TYW1: variants seen among roughly 807,000 people sequenced by gnomAD.
The protein encoded by TYW1 is S-adenosyl-L-methionine-dependent tRNA 4-demethylwyosine synthase TYW1.
In TYW1, 46 loss-of-function variants were observed where a neutral mutation model predicts 96.2. The observed-to-expected ratio is 0.48, with a 90% confidence interval of 0.38 to 0.61. TYW1 has a LOEUF of 0.61. TYW1 is among the 20% of genes least tolerant of loss of function. The probability of loss-of-function intolerance (pLI) is 0.00; values close to 1 mark genes in which losing one functional copy is unlikely to be tolerated. For missense variants in TYW1, 684 were observed against 909.6 expected, an observed-to-expected ratio of 0.75 and a Z score of 3.19; for synonymous variants, 274 against 323.0, an observed-to-expected ratio of 0.85 and a Z score of 1.63.
At chr7:67,137,818 A>C (rs34816203) in intron 13 of TYW1, among the ~76,000 whole-genome samples, 1 of 152,216 alleles carries the variant, frequency 6.6e-6, no homozygotes, top group African/African-American at 2.4e-5. Context: ...CAAAGGGCCT[A>C]GTTTTCTCAT....
intron 10 of TYW1, among the ~76,000 whole-genome samples, chr7:67,081,186 C>T (rs1796381310): frequency 6.7e-6 from 1 of 148,706 alleles, no homozygotes; most frequent in Admixed American, 6.7e-5. Context: ...CTTTATTTCT[C>T]CTTCATTTCC....
chr7:67,040,926 T>G (rs912736366), intron 7 of TYW1, among the ~76,000 whole-genome samples: 1 of 152,182 alleles, frequency 6.6e-6, no homozygotes, highest in African/African-American at 2.4e-5. Flanking sequence ...GTAATTTTCT[T>G]TGCTTTTTCA....
At position 67,087,134 on chromosome 7, in the gene TYW1, G is replaced by A. The variant is rs555140178; in HGVS notation, c.1384+3595G>A. Among the ~76,000 whole-genome samples, 10 of 152,282 alleles carry A rather than the reference G, an allele frequency of 6.6e-5. No homozygotes were observed. The South Asian group carries it at 1.2e-3, about 19-fold the overall frequency. ...GGATAGTAATTTTTCTGACAGGAGC[G>A]TTTTTGCAAATGCACTTTAAATGGA... is the stretch of plus-strand genomic sequence containing the variant. On this transcript the variant is annotated intron_variant, in intron 11 of 15. Transcript: ENST00000359626.
chr7:67,106,740 T>C (rs1797256733), intron 12 of TYW1, among the ~76,000 whole-genome samples: 1 of 152,230 alleles, frequency 6.6e-6, no homozygotes, highest in East Asian at 1.9e-4. Context: ...TCATCTATTT[T>C]ACATTATTTT....
chr7:67,140,069 G>A (rs981740537), intron 13 of TYW1, among the ~76,000 whole-genome samples: 1 of 139,386 alleles, frequency 7.2e-6, no homozygotes, highest in African/African-American at 2.9e-5. Context: ...CATGGATGGT[G>A]GCAGGCAAAA....
At chr7:67,012,388 G>A (rs982922666) in intron 4 of TYW1, among the ~76,000 whole-genome samples, 4 of 151,910 alleles carry the variant, frequency 2.6e-5, no homozygotes, top group Non-Finnish European at 5.9e-5. Context: ...GATGTGGCTC[G>A]TGGATTGTAG....
intron 13 of TYW1, among the ~76,000 whole-genome samples, chr7:67,137,789 C>T (rs1196166239): frequency 6.6e-6 from 1 of 152,100 alleles, no homozygotes; most frequent in Non-Finnish European, 1.5e-5. Context: ...TGAAGACGCC[C>T]TGCATCAGAC....
At chr7:67,005,642 A>G (rs1793551702) in intron 3 of TYW1, among the ~76,000 whole-genome samples, 1 of 152,222 alleles carries the variant, frequency 6.6e-6, no homozygotes, top group Non-Finnish European at 1.5e-5. Flanking sequence ...ACTCCTTTAT[A>G]GCAAAATGGA....
chr7:67,003,333 T>A (rs981170757), intron 3 of TYW1, among the ~76,000 whole-genome samples: 1 of 152,026 alleles, frequency 6.6e-6, no homozygotes, highest in African/African-American at 2.4e-5. Context: ...GTCAGCAGAT[T>A]CTGTTTGTTC....
At chr7:67,058,651 T>C (rs1033198743) in intron 9 of TYW1, among the ~76,000 whole-genome samples, 3 of 152,032 alleles carry the variant, frequency 2.0e-5, no homozygotes, top group African/African-American at 2.4e-5. Context: ...TTTTTTTGTA[T>C]TTTTTGTAGA....
intron 7 of TYW1, among the ~76,000 whole-genome samples, chr7:67,040,880 A>G (rs1189021526): frequency 2.0e-5 from 3 of 152,062 alleles, no homozygotes; most frequent in Non-Finnish European, 2.9e-5. Context: ...AACTTTGTTT[A>G]TAGTGGGTGA....
chr7:67,151,295 C>T lies in TYW1; in HGVS notation c.1699-31831C>T, dbSNP rs570554388. Among the ~76,000 whole-genome samples, 22 of 152,122 alleles carry T rather than the reference C, an allele frequency of 1.4e-4. No individual in the cohort carries two copies. In the South Asian group the frequency reaches 4.0e-3, roughly 27 times the overall value. ...AACTCCTGACCTCAGGTGATCCACC[C>T]GCCTCAGCCTCCCAAAGTGTTGGGA... is the stretch of plus-strand genomic sequence containing the variant. On this transcript the variant is annotated intron_variant, in intron 13 of 15. Coordinates refer to ENST00000359626, the MANE Select transcript of TYW1 (RefSeq NM_018264.4).
At chr7:67,088,020 C>T (rs575773975) in intron 11 of TYW1, among the ~76,000 whole-genome samples, 16 of 152,080 alleles carry the variant, frequency 1.1e-4, no homozygotes, top group Admixed American at 2.6e-4. Flanking sequence ...CATGCTACCG[C>T]GCTTCAGCTA....
At chr7:67,126,587 A>C (rs1797921258) in intron 13 of TYW1, among the ~76,000 whole-genome samples, 1 of 152,160 alleles carries the variant, frequency 6.6e-6, no homozygotes, top group African/African-American at 2.4e-5. Context: ...TAGAACTCTT[A>C]CAGTTTTGCC....
At chr7:67,085,446 G>T (rs1796518224) in intron 11 of TYW1, among the ~76,000 whole-genome samples, 1 of 152,114 alleles carries the variant, frequency 6.6e-6, no homozygotes. Flanking sequence ...TGTGAAGGAG[G>T]TGCCTTGCTT....
chr7:67,232,601 A>C (rs1584725769), intron 15 of TYW1, among the ~76,000 whole-genome samples: 1 of 132,546 alleles, frequency 7.5e-6, no homozygotes, highest in African/African-American at 3.0e-5. Flanking sequence ...TTTGGGGTTG[A>C]CTCTATCTTG....
At chr7:67,096,127 C>T (rs10228812) in intron 11 of TYW1, among the ~76,000 whole-genome samples, 38,694 of 152,090 alleles carry the variant, frequency 0.25, 5,363 homozygotes, top group African/African-American at 0.36. Context: ...TGGTGGCTCA[C>T]GCCTGTAATC....
At chr7:67,074,088 A>G (rs561343275) in intron 10 of TYW1, among the ~76,000 whole-genome samples, 2 of 151,488 alleles carry the variant, frequency 1.3e-5, no homozygotes, top group African/African-American at 2.4e-5. Flanking sequence ...AAAAAAAAAA[A>G]GAAATAAAAT....
At chr7:67,054,938 C>T (rs541763341) in intron 8 of TYW1, among the ~76,000 whole-genome samples, 1 of 152,254 alleles carries the variant, frequency 6.6e-6, no homozygotes, top group African/African-American at 2.4e-5. Flanking sequence ...TGAGAATTCA[C>T]GTTTAAGATG....
Sources: allele counts gnomAD v4.1 joint callset (sites outside exome capture counted in the v4.1 genomes callset), GRCh38; gene constraint gnomAD v4.1.1; transcripts MANE v1.5; gene names NCBI Gene and HGNC (gene_info 2026-07-23, HGNC 2026-07-21).